TCF4: variants seen among roughly 807,000 people sequenced by gnomAD.
The protein encoded by TCF4 is SL3-3 enhancer factor 2.
Under a neutral mutation model 82.1 loss-of-function variants are expected in TCF4, and 3 were observed. The observed-to-expected ratio is 0.04, with a 90% CI of 0.02 to 0.09. The LOEUF is 0.09. Among genes scored for constraint, TCF4 ranks in the 10% least tolerant of loss-of-function variants. The pLI is 1.00. For synonymous variants in TCF4, 276 were observed against 309.6 expected (o/e 0.89, Z 1.14); for missense variants, 518 against 852.7 (o/e 0.61, Z 4.89).
intron 1 of TCF4, 82 bp downstream of exon 1, chr18:55,587,956 G>A (rs1409553838): frequency 1.0e-6 from 1 of 952,574 alleles, no homozygotes; most frequent in Non-Finnish European, 1.2e-6. Flanking sequence ...GAGGCGCGGA[G>A]CCGCGTGCGG....
chr18:55,307,986 G>A (rs547192961), intron 8 of TCF4, among the ~76,000 whole-genome samples: 1 of 152,292 alleles, frequency 6.6e-6, no homozygotes, highest in African/African-American at 2.4e-5. Context: ...GCCACCTATG[G>A]TTATCACTGA....
intron 15 of TCF4, among the ~76,000 whole-genome samples, chr18:55,252,156 G>A (rs558095576): frequency 1.3e-5 from 2 of 152,172 alleles, no homozygotes; most frequent in South Asian, 2.1e-4. Context: ...CTGGGGACAC[G>A]TTGAATGGTT....
At chr18:55,576,416 C>T (rs1027565046) in intron 3 of TCF4, among the ~76,000 whole-genome samples, 1 of 152,130 alleles carries the variant, frequency 6.6e-6, no homozygotes, top group African/African-American at 2.4e-5. Context: ...GAGTGAAACG[C>T]AAACTCAGTC....
chr18:55,624,635 G>C (rs1333729479), intron 2 of TCF4, among the ~76,000 whole-genome samples: 1 of 148,158 alleles, frequency 6.7e-6, no homozygotes, highest in East Asian at 2.0e-4. Context: ...TTTTTCTCCT[G>C]AAGCTCAAAC....
intron 3 of TCF4, among the ~76,000 whole-genome samples, chr18:55,501,736 A>G (rs888730159): frequency 3.3e-5 from 5 of 151,946 alleles, no homozygotes; most frequent in African/African-American, 7.2e-5. Context: ...TGAAGAAAAC[A>G]GCTGGAAACA....
intron 5 of TCF4, among the ~76,000 whole-genome samples, chr18:55,410,501 T>G (rs1313075289): frequency 6.6e-6 from 1 of 152,096 alleles, no homozygotes; most frequent in Non-Finnish European, 1.5e-5. Flanking sequence ...TTAACTTACA[T>G]TATTTAAGGC....
At chr18:55,625,937 T>C (rs2097726162) in intron 2 of TCF4, among the ~76,000 whole-genome samples, 2 of 152,366 alleles carry the variant, frequency 1.3e-5, no homozygotes, top group South Asian at 4.1e-4. Flanking sequence ...CTGGCAGCCT[T>C]CCATAGTGGA....
chr18:55,347,446 T>C lies in TCF4; in HGVS notation c.549+2913A>G, dbSNP rs73960242. ...TGTAGACCCTGCCTGGTGGGTCTTCTGTTATCCCACCATCGTGTCATACTT... is the reference window on the plus strand; with the variant it reads ...TGTAGACCCTGCCTGGTGGGTCTTCCGTTATCCCACCATCGTGTCATACTT... On this transcript the variant is annotated intron_variant, in intron 8 of 19. Coordinates refer to ENST00000354452, the MANE Select transcript of TCF4 (RefSeq NM_001083962.2). 6.1e-3 allele frequency among the ~76,000 whole-genome samples: 929 copies of C among 152,280 alleles called. 9 individuals carry two copies. Among genetic ancestry groups the C allele is most frequent in the African/African-American group, 0.021 (893 of 41,554 alleles).
chr18:55,277,216 G>A (rs1169192346), intron 9 of TCF4, among the ~76,000 whole-genome samples: 1 of 152,088 alleles, frequency 6.6e-6, no homozygotes, highest in Non-Finnish European at 1.5e-5. Flanking sequence ...GAAAACACAT[G>A]ATTTTTTTTA....
At chr18:55,590,106 T>C (rs2083729112), upstream of TCF4, among the ~76,000 whole-genome samples, 1 of 152,040 alleles carries the variant, frequency 6.6e-6, no homozygotes, top group Admixed American at 6.6e-5. Context: ...AAAAGTGTAG[T>C]TTCGGCACAA....
At chr18:55,506,414 TAC>T (rs1261424705) in intron 3 of TCF4, among the ~76,000 whole-genome samples, 1 of 152,230 alleles carries the variant, frequency 6.6e-6, no homozygotes, top group East Asian at 1.9e-4. Context: ...ATTTTATTTA[TAC>T]ACACACATAT....
At chr18:55,304,634 C>T (rs576540286) in intron 8 of TCF4, among the ~76,000 whole-genome samples, 2 of 152,130 alleles carry the variant, frequency 1.3e-5, no homozygotes, top group East Asian at 3.9e-4. Flanking sequence ...CAGGAATGAA[C>T]CTAAGTAATG....
At chr18:55,586,132 G>GCAGCAGCAGCAGCAGCAGCAGCAGC in intron 2 of TCF4, 1 of 1,362,158 alleles carries the variant, frequency 7.3e-7, no homozygotes. Flanking sequence ...GGAGGAGGAG[G>GCAGCAGCAGCAGCAGCAGCAGCAGC]AGAAGGAGGA....
At chr18:55,365,077 C>T (rs891622696) in intron 6 of TCF4, among the ~76,000 whole-genome samples, 2 of 148,268 alleles carry the variant, frequency 1.3e-5, no homozygotes, top group Non-Finnish European at 3.0e-5. Context: ...TGCTTGAACT[C>T]GGGAGGTGGA....
At chr18:55,484,688 G>A (rs1301670629) in intron 3 of TCF4, among the ~76,000 whole-genome samples, 1 of 152,174 alleles carries the variant, frequency 6.6e-6, no homozygotes, top group East Asian at 1.9e-4. Flanking sequence ...GCATATGACT[G>A]TACCCCATGT....
chr18:55,548,345 A>G (rs2097224501), intron 3 of TCF4, among the ~76,000 whole-genome samples: 1 of 152,222 alleles, frequency 6.6e-6, no homozygotes, highest in Admixed American at 6.5e-5. Context: ...GTAGCCACAC[A>G]GATCTTGCCA....
At chr18:55,585,179 A>C in intron 3 of TCF4, 101 bp downstream of exon 3, 1 of 1,074,584 alleles carries the variant, frequency 9.3e-7, no homozygotes, top group Non-Finnish European at 1.4e-6. Context: ...GCTAAAATTC[A>C]ATGACTTTTT....
intron 3 of TCF4, among the ~76,000 whole-genome samples, chr18:55,533,640 A>G (rs2097090149): frequency 1.3e-5 from 2 of 152,222 alleles, no homozygotes; most frequent in African/African-American, 4.8e-5. Context: ...TGAAACATTT[A>G]GTGAAAATGT....
chr18:55,262,406 G>C (rs1284057640), intron 11 of TCF4, among the ~76,000 whole-genome samples: 1 of 152,160 alleles, frequency 6.6e-6, no homozygotes, highest in African/African-American at 2.4e-5. Flanking sequence ...AGAATGCCTA[G>C]CACTTGGGGT....
Sources: gnomAD v4.1 joint callset for allele counts (sites outside exome capture counted in the v4.1 genomes callset) on GRCh38, gnomAD v4.1.1 for gene constraint, MANE v1.5 for transcripts, NCBI Gene and HGNC (gene_info 2026-07-23, HGNC 2026-07-21) for gene names.